The following CSMD1 variants were observed in gnomAD, a reference collection of about 807,000 sequenced individuals.
CSMD1 encodes CUB and sushi domain-containing protein 1.
CSMD1 carries 213 observed loss-of-function variants against 417.5 expected under a neutral mutation model. The ratio of observed to expected loss-of-function variants is 0.51; its 90% CI spans 0.46 to 0.57. The LOEUF is 0.57. CSMD1 is among the 20% of genes least tolerant of loss of function. The pLI is 0.00. For missense variants in CSMD1, 6,923 were observed against 4,529.7 expected (o/e 1.53, Z -15.17); for synonymous variants, 2,862 against 1,736.8 (o/e 1.65, Z -16.11).
intron 1 of CSMD1, among the ~76,000 whole-genome samples, chr8:4,671,501 G>C (rs968706913): frequency 6.6e-6 from 1 of 152,178 alleles, no homozygotes; most frequent in Non-Finnish European, 1.5e-5. Flanking sequence ...TAATAGCAGT[G>C]ATGTCGGCAA....
At chr8:4,067,061 G>A (rs898716842) in intron 3 of CSMD1, among the ~76,000 whole-genome samples, 55 of 152,336 alleles carry the variant, frequency 3.6e-4, no homozygotes, top group African/African-American at 1.2e-3. Flanking sequence ...GCCACATGGC[G>A]AAGACTGAAA....
At chr8:3,641,445 A>G (rs1257232748) in intron 7 of CSMD1, among the ~76,000 whole-genome samples, 1 of 152,088 alleles carries the variant, frequency 6.6e-6, no homozygotes, top group Admixed American at 6.5e-5. Context: ...CATCACTCCT[A>G]CTTTATCAGT....
rs192963243 is a variant in CSMD1 at position 3,389,252 on chromosome 8, A to G, written c.2594-1570T>C. 2.2e-3 allele frequency among the ~76,000 whole-genome samples: 328 copies of G among 152,020 alleles called. 2 individuals are homozygous for G. Among genetic ancestry groups the G allele is most frequent in the African/African-American group, 7.7e-3 (317 of 41,430 alleles). On this transcript the variant is annotated intron_variant, in intron 17 of 69. Transcript: ENST00000635120. The stretch of plus-strand genomic sequence containing the variant: ...TAGTGCCCATTAGTTGTTTTTCCCG[A>G]TCCTCTCCTTCCTGCTACCCTCAAC...
In CSMD1 at chr8:2,938,641, C is replaced by A. The variant is rs1197804700; in HGVS notation, c.10639G>T (p.Glu3547Ter). Reference sequence around the variant, plus strand: ...GTGTCAAACCTCACAGCCTTGGCTTCTGTGGGTTTTAAGTTTGTATCATAC... The same window carrying A: ...GTGTCAAACCTCACAGCCTTGGCTTATGTGGGTTTTAAGTTTGTATCATAC... Reference protein sequence around the residue: ...PMYDTNLKPTEAKAVRFDTTL... With the variant: ...PMYDTNLKPT Residue 3547 changes from glutamate (E) to a stop codon, truncating the protein, a stop_gained, in exon 70 of 70, where the codon GAA becomes TAA. Transcript: ENST00000635120. LOFTEE classifies it high-confidence loss of function. 1 of 1,611,844 alleles carries A rather than the reference C, an allele frequency of 6.2e-7. No individual in the cohort carries two copies.
intron 37 of CSMD1, among the ~76,000 whole-genome samples, chr8:3,173,749 T>G (rs1459123809): frequency 6.6e-6 from 1 of 152,198 alleles, no homozygotes; most frequent in Non-Finnish European, 1.5e-5. Flanking sequence ...TCATGTTTCC[T>G]GTGATGTTAC....
chr8:3,551,458 G>T (rs1264989746), intron 10 of CSMD1, among the ~76,000 whole-genome samples: 2 of 151,788 alleles, frequency 1.3e-5, no homozygotes, highest in Non-Finnish European at 2.9e-5. Context: ...AAGGAGAAAA[G>T]AACATATTTT....
intron 7 of CSMD1, among the ~76,000 whole-genome samples, chr8:3,636,101 G>C (rs1395767388): frequency 2.6e-5 from 4 of 151,718 alleles, no homozygotes; most frequent in African/African-American, 9.7e-5. Context: ...TTGAAGTTTT[G>C]TGTTAAGAAC....
intron 1 of CSMD1, among the ~76,000 whole-genome samples, chr8:4,718,289 C>T (rs1057052183): frequency 2.0e-5 from 3 of 152,086 alleles, no homozygotes; most frequent in Admixed American, 6.6e-5. Context: ...ACAAATCTAT[C>T]AAAATTTTAA....
intron 5 of CSMD1, among the ~76,000 whole-genome samples, chr8:3,870,938 T>G (rs1805442698): frequency 1.3e-5 from 2 of 152,080 alleles, no homozygotes; most frequent in Non-Finnish European, 2.9e-5. Flanking sequence ...TTTTATGTAT[T>G]CATAAATGTA....
At chr8:4,786,180 C>G (rs1486373662) in intron 1 of CSMD1, among the ~76,000 whole-genome samples, 1 of 152,218 alleles carries the variant, frequency 6.6e-6, no homozygotes, top group East Asian at 1.9e-4. Context: ...CCCACCTGCT[C>G]TACCATCTTG....
intron 1 of CSMD1, among the ~76,000 whole-genome samples, chr8:4,731,884 GTCTCT>G (rs1333906805): frequency 1.3e-5 from 2 of 152,062 alleles, no homozygotes; most frequent in Admixed American, 6.5e-5. Context: ...TATTCTAACT[GTCTCT>G]TCTAATATTA....
intron 1 of CSMD1, among the ~76,000 whole-genome samples, chr8:4,690,159 G>C (rs985395726): frequency 2.0e-5 from 3 of 152,256 alleles, no homozygotes; most frequent in East Asian, 3.9e-4. Context: ...CATAATTTAA[G>C]ATTACCCTCA....
At chr8:3,939,109 T>A (rs1810701252) in intron 5 of CSMD1, among the ~76,000 whole-genome samples, 1 of 152,114 alleles carries the variant, frequency 6.6e-6, no homozygotes, top group African/African-American at 2.4e-5. Flanking sequence ...TGTTGAGAGT[T>A]TATTGAATTA....
chr8:4,464,826 G>C (rs1800060103), intron 2 of CSMD1, among the ~76,000 whole-genome samples: 1 of 152,134 alleles, frequency 6.6e-6, no homozygotes, highest in East Asian at 1.9e-4. Flanking sequence ...AGTTTTGGGA[G>C]GAAAGTATCT....
intron 21 of CSMD1, among the ~76,000 whole-genome samples, chr8:3,356,485 G>C (rs904292029): frequency 1.3e-5 from 2 of 152,154 alleles, no homozygotes; most frequent in African/African-American, 2.4e-5. Flanking sequence ...GACCAGCCTG[G>C]TCAACATGGT....
intron 2 of CSMD1, among the ~76,000 whole-genome samples, chr8:4,422,663 T>G (rs1423416463): frequency 6.6e-6 from 1 of 152,010 alleles, no homozygotes; most frequent in East Asian, 1.9e-4. Context: ...CCCTGGAACT[T>G]ATAGTAGTTT....
chr8:4,226,862 T>C (rs1801391642), intron 3 of CSMD1, among the ~76,000 whole-genome samples: 1 of 152,346 alleles, frequency 6.6e-6, no homozygotes, highest in South Asian at 2.1e-4. Flanking sequence ...CCCCTGTCTT[T>C]AGTTTGGGAA....
chr8:4,925,356 T>G (rs1214128958), intron 1 of CSMD1, among the ~76,000 whole-genome samples: 1 of 151,318 alleles, frequency 6.6e-6, no homozygotes, highest in Non-Finnish European at 1.5e-5. Flanking sequence ...ATGACTCCTG[T>G]TGAAACCTGA....
intron 3 of CSMD1, among the ~76,000 whole-genome samples, chr8:4,285,794 C>A (rs924375231): frequency 1.3e-5 from 2 of 152,148 alleles, no homozygotes; most frequent in African/African-American, 4.8e-5. Context: ...TGCTTCTTCT[C>A]CAGGTGTCCC....
Sources: gnomAD v4.1 joint callset for allele counts (sites outside exome capture counted in the v4.1 genomes callset) on GRCh38, gnomAD v4.1.1 for gene constraint, MANE v1.5 for transcripts, NCBI Gene and HGNC (gene_info 2026-07-23, HGNC 2026-07-21) for gene names.